LYRM9: variants seen among roughly 807,000 people sequenced by gnomAD.
The protein encoded by LYRM9 is LYR motif containing 9.
In LYRM9, 14 loss-of-function variants were observed where a neutral mutation model predicts 12.6. That is an observed-to-expected ratio of 1.11 (90% CI 0.73 to 1.73). LYRM9 has a LOEUF of 1.73. Ranked by LOEUF, LYRM9 falls within the 40% of genes most tolerant of loss-of-function variation. The pLI is 0.00. For missense variants in LYRM9, 94 were observed against 95.0 expected (o/e 0.99, Z 0.04); for synonymous variants, 42 against 35.1 (o/e 1.20, Z -0.69).
At chr17:27,880,035 G>C in intron 3 of LYRM9, 1 of 687,290 alleles carries the variant, frequency 1.5e-6, no homozygotes, top group Non-Finnish European at 2.6e-6. Flanking sequence ...AGCACTGTTG[G>C]GCAGAAATTT....
At chr17:27,880,416 G>A in intron 2 of LYRM9, 50 bp from the exon 3 acceptor site, 1 of 1,417,190 alleles carries the variant, frequency 7.1e-7, no homozygotes, top group Non-Finnish European at 9.8e-7. Flanking sequence ...TCCCAGGACA[G>A]GCAGCTTCAG....
chr17:27,887,233 AG>A, intron 1 of LYRM9, among the ~76,000 whole-genome samples: 1 of 152,348 alleles, frequency 6.6e-6, no homozygotes, highest in East Asian at 1.9e-4. Flanking sequence ...CCCAAAATGT[AG>A]AACAAATACC....
At chr17:27,892,578 GAA>G (rs1411397592) in intron 1 of LYRM9, 1 of 352,742 alleles carries the variant, frequency 2.8e-6, no homozygotes, top group East Asian at 7.9e-5. Flanking sequence ...CCATTTATAC[GAA>G]ACATCCAGAA....
chr17:27,884,811 T>C (rs1358288444), intron 1 of LYRM9, among the ~76,000 whole-genome samples: 2 of 145,988 alleles, frequency 1.4e-5, no homozygotes, highest in East Asian at 2.0e-4. Flanking sequence ...CTGGCCTTAG[T>C]TTTAAAGGAA....
intron 1 of LYRM9, among the ~76,000 whole-genome samples, chr17:27,887,818 A>T (rs1466899344): frequency 1.3e-5 from 2 of 151,906 alleles, no homozygotes; most frequent in African/African-American, 4.8e-5. Flanking sequence ...GAGATTGGCA[A>T]GTCCAAAATC....
At chr17:27,890,229 C>T (rs1033209788) in intron 1 of LYRM9, among the ~76,000 whole-genome samples, 28 of 152,270 alleles carry the variant, frequency 1.8e-4, no homozygotes, top group African/African-American at 6.5e-4. Context: ...AAGGACCCCA[C>T]AAAGAACTCT....
At chr17:27,879,587 C>G in intron 3 of LYRM9, 97 bp from the exon 4 acceptor site, 1 of 1,372,720 alleles carries the variant, frequency 7.3e-7, no homozygotes, top group Non-Finnish European at 1.0e-6. Context: ...ACCTCACCTG[C>G]CTCCTGCAGG....
chr17:27,883,035 C>A (rs867295229), intron 1 of LYRM9: 2 of 486,230 alleles, frequency 4.1e-6, no homozygotes, highest in Middle Eastern at 3.2e-4. Context: ...AGCAGGAAGA[C>A]CCTGAGGGGC....
chr17:27,883,017 G>A lies in LYRM9; in HGVS notation c.-18-305C>T, dbSNP rs1482566346. 1.6e-4 allele frequency: 80 copies of A among 498,784 alleles called. 1 individual carries two copies. In the Admixed American group the frequency reaches 1.8e-3, roughly 12 times the overall value. 30.9% of individuals were successfully genotyped at this position (498,784 alleles called of 1,614,324 possible). On this transcript the variant is annotated intron_variant, in intron 1 of 3. Coordinates refer to ENST00000379102, the MANE Select transcript of LYRM9 (RefSeq NM_001076680.3). Reference sequence around the variant, plus strand: ...TAGGTGTCCCTCACCGGCAGGGTAGGGTAGAAAAGCAGGAAGACCCTGAGG... The same window carrying A: ...TAGGTGTCCCTCACCGGCAGGGTAGAGTAGAAAAGCAGGAAGACCCTGAGG...
At chr17:27,884,842 A>AC (rs397857835) in intron 1 of LYRM9, among the ~76,000 whole-genome samples, 3 of 148,294 alleles carry the variant, frequency 2.0e-5, no homozygotes, top group African/African-American at 5.0e-5. Context: ...AAAAAAAAAA[A>AC]CCCTCCCCTC....
chr17:27,882,565 G>T lies in LYRM9; in HGVS notation c.126+4C>A. On this transcript the variant is annotated splice_donor_region_variant and intron_variant, in intron 2 of 3. Coordinates refer to ENST00000379102, the MANE Select transcript of LYRM9 (RefSeq NM_001076680.3). ...CCCCCAGACCTGGTAGAGCCAGCTCGCACCTGCCTGACAGCATGCTTGTAA... is the reference window on the plus strand; with the variant it reads ...CCCCCAGACCTGGTAGAGCCAGCTCTCACCTGCCTGACAGCATGCTTGTAA... 1.3e-6 allele frequency: 2 copies of T among 1,579,940 alleles called. No homozygotes were observed. The highest frequency in any genetic ancestry group is 2.3e-5 in the South Asian group (2 of 85,798).
At chr17:27,890,970 C>A (rs952062061) in intron 1 of LYRM9, among the ~76,000 whole-genome samples, 3 of 151,848 alleles carry the variant, frequency 2.0e-5, no homozygotes, top group African/African-American at 7.3e-5. Context: ...CTAAAGTCCC[C>A]TCACCCCCTC....
At chr17:27,885,272 A>C (rs1021062601) in intron 1 of LYRM9, among the ~76,000 whole-genome samples, 1 of 152,214 alleles carries the variant, frequency 6.6e-6, no homozygotes, top group African/African-American at 2.4e-5. Context: ...GTGGCGTGAA[A>C]GGACTCTAGC....
Position 27,882,661 on chromosome 17 carries a change from T to C in LYRM9, c.34A>G (p.Arg12Gly). 1 of 1,604,472 alleles carries C rather than the reference T, an allele frequency of 6.2e-7. No homozygotes were observed. Among genetic ancestry groups the C allele is most frequent in the Non-Finnish European group, 8.5e-7 (1 of 1,175,812 alleles). Residue 12 changes from arginine (R) to glycine (G), a missense_variant, in exon 2 of 4, where the codon AGG (arginine) becomes GGG (glycine). By Grantham distance (125) the Arg-to-Gly change is moderately radical. Coordinates refer to ENST00000379102, the MANE Select transcript of LYRM9 (RefSeq NM_001076680.3). Reference protein sequence around the residue: ...APLPGAELVRRPLQLYRYLLR... With the variant: ...APLPGAELVRGPLQLYRYLLR... ...AAGTATCGGTAGAGCTGCAGTGGCC[T>C]CCGAACCAGTTCTGCTCCTGGCAGC...
intron 2 of LYRM9, 65 bp from the exon 3 acceptor site, chr17:27,880,431 C>CCAATCA: frequency 8.3e-7 from 1 of 1,206,916 alleles, no homozygotes; most frequent in Non-Finnish European, 1.2e-6. Flanking sequence ...CTTCAGAGCA[C>CCAATCA]CAATCACAGG....
chr17:27,889,758 A>G (rs890135867), intron 1 of LYRM9, among the ~76,000 whole-genome samples: 1 of 152,172 alleles, frequency 6.6e-6, no homozygotes, highest in Non-Finnish European at 1.5e-5. Context: ...AACACAGGGT[A>G]AAGACAAAGA....
intron 3 of LYRM9, 179 bp downstream of exon 3, chr17:27,880,095 T>C (rs572283356): frequency 1.3e-4 from 94 of 706,778 alleles, no homozygotes; most frequent in Admixed American, 2.6e-4. Flanking sequence ...AGAATATAAA[T>C]GCAACCAGAA....
intron 2 of LYRM9, 28 bp downstream of exon 2, chr17:27,882,541 C>T: frequency 1.3e-6 from 2 of 1,551,638 alleles, no homozygotes; most frequent in South Asian, 1.2e-5. Flanking sequence ...TAGAGGCAGC[C>T]CCCAGACCTG....
chr17:27,880,428 G>A (rs1905011941), intron 2 of LYRM9, 62 bp from the exon 3 acceptor site: 2 of 1,268,338 alleles, frequency 1.6e-6, no homozygotes, highest in African/African-American at 1.5e-5. Context: ...CAGCTTCAGA[G>A]CACCAATCAC....
Sources: gnomAD v4.1 joint callset for allele counts (sites outside exome capture counted in the v4.1 genomes callset) on GRCh38, gnomAD v4.1.1 for gene constraint, MANE v1.5 for transcripts, NCBI Gene and HGNC (gene_info 2026-07-23, HGNC 2026-07-21) for gene names.